The following ACYP2 variants were observed in gnomAD, a reference collection of about 807,000 sequenced individuals.
The protein encoded by ACYP2 is acylphosphatase 2.
A neutral mutation model predicts 11.2 loss-of-function variants in ACYP2; 12 were observed. That is an observed-to-expected ratio of 1.08 (90% CI 0.69 to 1.74). The LOEUF is 1.74. ACYP2 is among the 40% of genes most tolerant of loss of function. The pLI is 0.00. For missense variants in ACYP2, 134 were observed against 101.9 expected, an observed-to-expected ratio of 1.31 and a Z score of -1.35; for synonymous variants, 43 against 32.2, an observed-to-expected ratio of 1.33 and a Z score of -1.13.
intron 6 of ACYP2, among the ~76,000 whole-genome samples, chr2:54,149,368 TCTG>T (rs1018273132): frequency 2.0e-5 from 3 of 152,226 alleles, no homozygotes; most frequent in African/African-American, 7.2e-5. Flanking sequence ...GTTTTCTTCT[TCTG>T]TGTTTTATTT....
At chr2:53,999,027 T>A (rs930676629) in intron 2 of ACYP2, among the ~76,000 whole-genome samples, 1 of 152,044 alleles carries the variant, frequency 6.6e-6, no homozygotes, top group African/African-American at 2.4e-5. Flanking sequence ...ACTTGTCACA[T>A]GGCCATGCTT....
Position 54,252,285 on chromosome 2 carries a change from A to G in ACYP2, c.405-52403A>G, listed in dbSNP as rs140988998. ...GTATACCATTGTGTGAACATTTTAA[A>G]AAATTGGGTTTTTTTTTCCACTATT... is the stretch of plus-strand genomic sequence containing the variant. On this transcript the variant is annotated intron_variant, in intron 6 of 6. Transcript: ENST00000607452. Among the ~76,000 whole-genome samples the G allele has an allele frequency of 7.2e-5, 11 of 152,340 alleles. 1 individual carries two copies. In the East Asian group the frequency reaches 2.1e-3, roughly 29 times the overall value.
At chr2:54,219,984 C>T (rs1352131853) in intron 6 of ACYP2, among the ~76,000 whole-genome samples, 3 of 146,970 alleles carry the variant, frequency 2.0e-5, no homozygotes, top group South Asian at 2.2e-4. Context: ...TCAGGTGCTC[C>T]ACTCATCTCA....
chr2:53,971,916 T>C (rs571495789), intron 1 of ACYP2, among the ~76,000 whole-genome samples: 1 of 152,216 alleles, frequency 6.6e-6, no homozygotes, highest in African/African-American at 2.4e-5. Flanking sequence ...GAAATGAGAC[T>C]GAGAAGGCAA....
chr2:53,999,113 A>G (rs1172203946), intron 2 of ACYP2, among the ~76,000 whole-genome samples: 1 of 152,228 alleles, frequency 6.6e-6, no homozygotes, highest in Non-Finnish European at 1.5e-5. Context: ...TCTCTGCTAC[A>G]TAAAGGGATT....
At chr2:54,270,647 T>G (rs1186872109) in intron 6 of ACYP2, among the ~76,000 whole-genome samples, 2 of 152,224 alleles carry the variant, frequency 1.3e-5, no homozygotes, top group African/African-American at 4.8e-5. Flanking sequence ...ATGAATACAA[T>G]GAATAAAATG....
rs1420677237 is a variant in ACYP2 at position 54,161,747 on chromosome 2, T to G, written c.404+22999T>G. 9.2e-5 allele frequency among the ~76,000 whole-genome samples: 14 copies of G among 152,320 alleles called. No homozygotes were observed. The East Asian group carries it at 2.5e-3, about 27-fold the overall frequency. On this transcript the variant is annotated intron_variant, in intron 6 of 6. Transcript: ENST00000607452. ...TATTACACACTTTAAAAAGTTATCC[T>G]TTTTGTAAATATTTTGTAAGAATAC...
intron 6 of ACYP2, among the ~76,000 whole-genome samples, chr2:54,161,279 A>G (rs1382443026): frequency 1.3e-5 from 2 of 152,108 alleles, no homozygotes; most frequent in Non-Finnish European, 2.9e-5. Context: ...CACACCTCCT[A>G]CTCCACACAG....
rs539240128 is a variant in ACYP2 at position 54,077,757 on chromosome 2, G to T, written c.277+20397G>T. ...TCCCAGCAAACTAAGGCACAGAAAG[G>T]CTGTGACTTTCCTAAGGTGTTATGT... On this transcript the variant is annotated intron_variant, in intron 4 of 6. Coordinates refer to ENST00000607452, the MANE Select transcript of ACYP2 (RefSeq NM_001320586.2). Among the ~76,000 whole-genome samples the T allele has an allele frequency of 1.4e-4, 21 of 152,326 alleles. No individual in the cohort carries two copies. In the East Asian group the frequency reaches 3.3e-3, roughly 24 times the overall value.
At chr2:54,199,996 A>G (rs543085398) in intron 6 of ACYP2, among the ~76,000 whole-genome samples, 2 of 152,364 alleles carry the variant, frequency 1.3e-5, no homozygotes, top group Non-Finnish European at 2.9e-5. Context: ...ATTGAAACCT[A>G]GTTAACAAAT....
chr2:54,265,077 T>A (rs1278037996), intron 6 of ACYP2, among the ~76,000 whole-genome samples: 1 of 152,204 alleles, frequency 6.6e-6, no homozygotes, highest in Non-Finnish European at 1.5e-5. Flanking sequence ...ATGCTTTCTA[T>A]GTATGTAGGA....
At chr2:54,292,854 T>G (rs1028620780) in intron 6 of ACYP2, among the ~76,000 whole-genome samples, 2 of 152,202 alleles carry the variant, frequency 1.3e-5, no homozygotes, top group Admixed American at 1.3e-4. Flanking sequence ...ACTTTAGCAG[T>G]CAATTCTGCA....
At chr2:54,275,432 A>G (rs1359741691) in intron 6 of ACYP2, among the ~76,000 whole-genome samples, 3 of 152,238 alleles carry the variant, frequency 2.0e-5, no homozygotes, top group Non-Finnish European at 4.4e-5. Flanking sequence ...TCTCATCAGT[A>G]TGCTGGCAAC....
At chr2:54,167,403 G>C (rs1445893689) in intron 6 of ACYP2, among the ~76,000 whole-genome samples, 1 of 152,168 alleles carries the variant, frequency 6.6e-6, no homozygotes, top group Admixed American at 6.5e-5. Flanking sequence ...TATAATGGTG[G>C]CAATCTTTTG....
At chr2:54,014,878 G>A (rs900990184) in intron 2 of ACYP2, among the ~76,000 whole-genome samples, 1 of 152,026 alleles carries the variant, frequency 6.6e-6, no homozygotes, top group Non-Finnish European at 1.5e-5. Context: ...TCCCACCTCA[G>A]CCTCTCAAAG....
chr2:54,237,167 C>T (rs545839159), intron 6 of ACYP2, among the ~76,000 whole-genome samples: 1 of 152,328 alleles, frequency 6.6e-6, no homozygotes, highest in African/African-American at 2.4e-5. Context: ...AGGGACTTGA[C>T]TATCCATGGA....
intron 6 of ACYP2, among the ~76,000 whole-genome samples, chr2:54,279,443 T>C (rs1345984900): frequency 3.3e-5 from 5 of 152,210 alleles, no homozygotes; most frequent in Admixed American, 2.6e-4. Context: ...TTGAAAAAGT[T>C]TGCCAACTCC....
chr2:54,085,465 T>A (rs867056505), intron 4 of ACYP2, among the ~76,000 whole-genome samples: 1 of 152,192 alleles, frequency 6.6e-6, no homozygotes, highest in African/African-American at 2.4e-5. Context: ...TCTTTTTTTT[T>A]AAATTCATCT....
At chr2:54,031,374 T>C (rs1419976583) in intron 2 of ACYP2, among the ~76,000 whole-genome samples, 1 of 149,036 alleles carries the variant, frequency 6.7e-6, no homozygotes, top group African/African-American at 2.5e-5. Context: ...GAACATGCAG[T>C]GTTTGGTTTT....
Sources: gnomAD v4.1 joint callset for allele counts (sites outside exome capture counted in the v4.1 genomes callset) on GRCh38, gnomAD v4.1.1 for gene constraint, MANE v1.5 for transcripts, NCBI Gene and HGNC (gene_info 2026-07-23, HGNC 2026-07-21) for gene names.